Variants in ZFHX3 observed in about 807,000 individuals in gnomAD.
The protein encoded by ZFHX3 is zinc finger homeobox protein 3.
Under a neutral mutation model 279.1 loss-of-function variants are expected in ZFHX3, and 42 were observed. The ratio of observed to expected loss-of-function variants is 0.15; its 90% CI spans 0.12 to 0.19. ZFHX3 has a LOEUF of 0.19. ZFHX3 is among the 10% of genes least tolerant of loss of function. The pLI, the probability that ZFHX3 is intolerant of heterozygous loss-of-function variation, is 1.00. For missense variants in ZFHX3, 4,981 were observed against 4,754.0 expected (o/e 1.05, Z -1.40); for synonymous variants, 2,293 against 1,957.8 (o/e 1.17, Z -4.52).
chr16:73,807,945 C>T lies in ZFHX3; in HGVS notation c.-1608+83706G>A, dbSNP rs566489962. Among the ~76,000 whole-genome samples, 3 of 152,176 alleles carry T rather than the reference C, an allele frequency of 2.0e-5. No homozygotes were observed. In the South Asian group the frequency reaches 6.2e-4, roughly 32 times the overall value. On this transcript the variant is annotated intron_variant, in intron 1 of 17. Coordinates refer to the ZFHX3 transcript ENST00000641206. ...CCTCATGAACTTGGTACCATTATTA[C>T]CACTCTTTTACATTCAAGTATCACT...
In ZFHX3 at chr16:73,017,182, G is replaced by A. The variant is rs867946842; in HGVS notation, c.-50+30570C>T. Among the ~76,000 whole-genome samples the A allele has an allele frequency of 1.3e-5, 2 of 151,048 alleles. 1 individual carries two copies. Among genetic ancestry groups the A allele is most frequent in the Non-Finnish European group, 2.9e-5 (2 of 67,864 alleles). ...TGGGAGGTTGAGGCTGCATGGAGCT[G>A]TGATTGTGCCACTGCAATCCAGACT... On this transcript the variant is annotated intron_variant, in intron 1 of 9. Transcript: ENST00000268489.
intron 1 of ZFHX3, among the ~76,000 whole-genome samples, chr16:73,038,600 T>C (rs1429576506): frequency 3.3e-5 from 5 of 152,150 alleles, no homozygotes; most frequent in Admixed American, 3.3e-4. Flanking sequence ...ATATCTGTTT[T>C]AAAGTTAATT....
At chr16:73,435,267 G>T (rs936555325) in intron 3 of ZFHX3, among the ~76,000 whole-genome samples, 1 of 152,128 alleles carries the variant, frequency 6.6e-6, no homozygotes, top group African/African-American at 2.4e-5. Flanking sequence ...GGAGTGCAGT[G>T]ATGCGATCTC....
intron 1 of ZFHX3, among the ~76,000 whole-genome samples, chr16:73,727,005 G>C (rs974552858): frequency 4.6e-5 from 7 of 152,200 alleles, no homozygotes; most frequent in African/African-American, 1.7e-4. Flanking sequence ...TCCCTATTGA[G>C]AAGCTCAGGA....
intron 7 of ZFHX3, among the ~76,000 whole-genome samples, chr16:73,124,041 A>C (rs1966530477): frequency 6.6e-6 from 1 of 152,190 alleles, no homozygotes; most frequent in African/African-American, 2.4e-5. Context: ...AGATGGCAAA[A>C]CCAACCAACC....
At chr16:73,846,860 A>G (rs1415873764) in intron 1 of ZFHX3, among the ~76,000 whole-genome samples, 1 of 152,226 alleles carries the variant, frequency 6.6e-6, no homozygotes, top group Non-Finnish European at 1.5e-5. Context: ...CCCATAAAAG[A>G]GTAAACTAAC....
chr16:73,868,884 T>C (rs1273777232), intron 1 of ZFHX3, among the ~76,000 whole-genome samples: 1 of 152,214 alleles, frequency 6.6e-6, no homozygotes, highest in Non-Finnish European at 1.5e-5. Flanking sequence ...CTAAAGGCTT[T>C]AAAGCAGCTA....
At chr16:73,396,837 A>G (rs114447166) in intron 3 of ZFHX3, among the ~76,000 whole-genome samples, 2,243 of 152,316 alleles carry the variant, frequency 0.015, 70 homozygotes, top group African/African-American at 0.05. Flanking sequence ...GCACCAGGGT[A>G]TCCTCCTGAG....
chr16:72,958,220 G>C lies in ZFHX3; in HGVS notation c.1926C>G (p.Cys642Trp). The C allele has an allele frequency of 3.1e-6, 5 of 1,611,646 alleles. No individual in the cohort carries two copies. Among genetic ancestry groups the C allele is most frequent in the Non-Finnish European group, 4.2e-6 (5 of 1,177,950 alleles). The change falls in exon 2 of 10, where the codon TGC becomes TGG. Residue 642 changes from cysteine (C) to tryptophan (W), a missense_variant. Coordinates refer to ENST00000268489, the MANE Select transcript of ZFHX3 (RefSeq NM_006885.4). ...GECPSGSGVE[C>W]PKCDTVLGSS... ...AGCCCAGGACCGTGTCGCATTTGGG[G>C]CACTCCACGCCACTCCCCGAGGGGC...
chr16:72,991,966 G>A (rs572253873), intron 1 of ZFHX3, among the ~76,000 whole-genome samples: 1 of 152,280 alleles, frequency 6.6e-6, no homozygotes, highest in South Asian at 2.1e-4. Flanking sequence ...GGTTATAACG[G>A]AGGATCCCGT....
At position 73,301,275 on chromosome 16, in the gene ZFHX3, A is replaced by C. The variant is rs569003675; in HGVS notation, c.-1194+16965T>G. On this transcript the variant is annotated intron_variant, in intron 4 of 17. Transcript: ENST00000641206. ...TTTTTAAAGAAACCTCCTAGAGGTG[A>C]CTATCATGTTTCTGGCGGAAGAAGG... 1.4e-4 allele frequency among the ~76,000 whole-genome samples: 21 copies of C among 152,310 alleles called. No individual in the cohort carries two copies. The South Asian group carries it at 4.3e-3, about 32-fold the overall frequency.
chr16:72,804,986 A>G (rs2036218143), intron 7 of ZFHX3, among the ~76,000 whole-genome samples: 1 of 151,824 alleles, frequency 6.6e-6, no homozygotes, highest in African/African-American at 2.4e-5. Flanking sequence ...TTATTTATTT[A>G]TTTATTTTTC....
intron 1 of ZFHX3, among the ~76,000 whole-genome samples, chr16:72,987,310 C>T (rs924191488): frequency 4.6e-5 from 7 of 152,162 alleles, no homozygotes; most frequent in African/African-American, 1.7e-4. Context: ...GCCTTCAAAA[C>T]AACATTTGCA....
chr16:73,491,458 G>A (rs183022874), intron 2 of ZFHX3, among the ~76,000 whole-genome samples: 21 of 152,258 alleles, frequency 1.4e-4, no homozygotes, highest in Admixed American at 1.4e-3. Context: ...ACATAATGAA[G>A]CTATTTTGAA....
At chr16:73,885,745 A>AAGT (rs1447825266) in intron 1 of ZFHX3, among the ~76,000 whole-genome samples, 4 of 152,208 alleles carry the variant, frequency 2.6e-5, no homozygotes, top group Non-Finnish European at 4.4e-5. Context: ...CAAACCTTAA[A>AAGT]AGTAAATTCT....
At chr16:73,187,767 A>C (rs1027864402) in intron 5 of ZFHX3, among the ~76,000 whole-genome samples, 12 of 152,176 alleles carry the variant, frequency 7.9e-5, no homozygotes, top group African/African-American at 2.9e-4. Context: ...CTTGGTGTAG[A>C]GAAACTGTTG....
intron 5 of ZFHX3, among the ~76,000 whole-genome samples, chr16:73,220,044 C>A (rs551959234): frequency 1.5e-4 from 23 of 151,778 alleles, no homozygotes; most frequent in Non-Finnish European, 2.9e-4. Flanking sequence ...TGAGGTTGTG[C>A]CATTGTACTC....
At chr16:73,803,472 C>CT (rs1567415624) in intron 1 of ZFHX3, among the ~76,000 whole-genome samples, 1 of 152,162 alleles carries the variant, frequency 6.6e-6, no homozygotes, top group East Asian at 1.9e-4. Flanking sequence ...TCAAGCTGTG[C>CT]TTATTAAAGA....
intron 2 of ZFHX3, among the ~76,000 whole-genome samples, chr16:73,485,161 GA>G (rs1263281419): frequency 1.3e-5 from 2 of 152,120 alleles, no homozygotes; most frequent in African/African-American, 4.8e-5. Flanking sequence ...ATAGAGGGTT[GA>G]AAAATGAGTA....
Sources: gnomAD v4.1 joint callset for allele counts (sites outside exome capture counted in the v4.1 genomes callset) on GRCh38, gnomAD v4.1.1 for gene constraint, MANE v1.5 for transcripts, NCBI Gene and HGNC (gene_info 2026-07-23, HGNC 2026-07-21) for gene names.